Variants in IQCM observed in about 807,000 individuals in gnomAD.
The protein encoded by IQCM is IQ domain-containing protein M.
Under a neutral mutation model 57.6 loss-of-function variants are expected in IQCM, and 45 were observed. The ratio of observed to expected loss-of-function variants is 0.78; its 90% confidence interval spans 0.62 to 1.00. The LOEUF is 1.00. IQCM is among the 50% of genes least tolerant of loss of function. The probability of loss-of-function intolerance (pLI) is 0.00; values close to 1 mark genes in which losing one functional copy is unlikely to be tolerated. For missense variants in IQCM, 468 were observed against 511.6 expected, an observed-to-expected ratio of 0.91 and a Z score of 0.82; for synonymous variants, 148 against 158.9, an observed-to-expected ratio of 0.93 and a Z score of 0.51.
At chr4:149,704,013 A>C (rs1315461150) in intron 5 of IQCM, among the ~76,000 whole-genome samples, 2 of 151,878 alleles carry the variant, frequency 1.3e-5, no homozygotes, top group Admixed American at 6.6e-5. Context: ...AAGTGTGAAA[A>C]GGTGGAGCAG....
chr4:149,630,003 G>A (rs923012817), intron 7 of IQCM, among the ~76,000 whole-genome samples: 2 of 152,018 alleles, frequency 1.3e-5, no homozygotes, highest in African/African-American at 2.4e-5. Context: ...GGCAGGGTGT[G>A]AACCACAGTA....
chr4:149,739,856 T>TATC (rs1476930472), intron 3 of IQCM, among the ~76,000 whole-genome samples: 1 of 152,194 alleles, frequency 6.6e-6, no homozygotes, highest in African/African-American at 2.4e-5. Context: ...ATTTTTCATA[T>TATC]ATCATCAGCT....
intron 2 of IQCM, among the ~76,000 whole-genome samples, chr4:149,756,483 C>A (rs985406106): frequency 6.6e-6 from 1 of 152,028 alleles, no homozygotes; most frequent in African/African-American, 2.4e-5. Flanking sequence ...AGAAATCATA[C>A]AACACACCCA....
intron 2 of IQCM, among the ~76,000 whole-genome samples, chr4:149,745,914 G>A (rs568661694): frequency 3.3e-5 from 5 of 152,182 alleles, no homozygotes; most frequent in Non-Finnish European, 7.4e-5. Context: ...CAAGGCTGCA[G>A]TGAGCCGTGA....
chr4:149,757,677 T>A (rs60373060), intron 2 of IQCM, among the ~76,000 whole-genome samples: 16,850 of 152,036 alleles, frequency 0.11, 1,416 homozygotes, highest in African/African-American at 0.22. Context: ...AGTTCCAAAC[T>A]TTTTAGCACA....
intron 12 of IQCM, among the ~76,000 whole-genome samples, chr4:149,462,922 A>G (rs980570514): frequency 6.6e-6 from 1 of 152,200 alleles, no homozygotes; most frequent in Non-Finnish European, 1.5e-5. Context: ...ACACTGGGAG[A>G]AAATGGATTT....
intron 13 of IQCM, among the ~76,000 whole-genome samples, chr4:149,400,671 C>T (rs1016541072): frequency 6.6e-6 from 1 of 151,474 alleles, no homozygotes; most frequent in Non-Finnish European, 1.5e-5. Flanking sequence ...CATTATGAGG[C>T]AAAAATAACT....
chr4:149,734,830 A>AGAAGTG (rs1383849342), intron 4 of IQCM, among the ~76,000 whole-genome samples: 8 of 152,066 alleles, frequency 5.3e-5, no homozygotes, highest in Admixed American at 4.6e-4. Context: ...CTCACTTTCG[A>AGAAGTG]AATATATGCC....
At chr4:149,715,500 C>G (rs1764914472) in intron 5 of IQCM, among the ~76,000 whole-genome samples, 1 of 152,144 alleles carries the variant, frequency 6.6e-6, no homozygotes, top group African/African-American at 2.4e-5. Context: ...TTGGGGAGCT[C>G]CTAGGTCTGG....
intron 12 of IQCM, among the ~76,000 whole-genome samples, chr4:149,505,085 G>A (rs1743653553): frequency 6.6e-6 from 1 of 152,102 alleles, no homozygotes; most frequent in African/African-American, 2.4e-5. Flanking sequence ...TTCTGTTATA[G>A]TAGTCCAAGT....
At chr4:149,805,536 G>C (rs1773995993) in intron 2 of IQCM, among the ~76,000 whole-genome samples, 1 of 151,992 alleles carries the variant, frequency 6.6e-6, no homozygotes, top group Non-Finnish European at 1.5e-5. Context: ...AGCTGCAGAA[G>C]ATATTTTTAT....
At position 149,639,488 on chromosome 4, in the gene IQCM, TTCTTA is replaced by T. The variant is rs376979826; in HGVS notation, c.566-18249_566-18245del. Among the ~76,000 whole-genome samples, 76 of 152,018 alleles carry T rather than the reference TTCTTA, an allele frequency of 5.0e-4. 1 individual carries two copies. Among genetic ancestry groups the T allele is most frequent in the African/African-American group, 1.4e-3 (60 of 41,512 alleles). ...GGAGAAGAAGAAGACAAGTTAAATA[TTCTTA>T]TCTTATCTTCTATTAGTACCTCCAC... On this transcript the variant is annotated intron_variant, in intron 7 of 13. Transcript: ENST00000636793.
chr4:149,452,660 C>T (rs1737248660), intron 12 of IQCM, among the ~76,000 whole-genome samples: 1 of 151,296 alleles, frequency 6.6e-6, no homozygotes, highest in Non-Finnish European at 1.5e-5. Flanking sequence ...AAGTGTATAC[C>T]CATGAAACTA....
At chr4:149,420,385 C>A (rs1396361027) in intron 13 of IQCM, among the ~76,000 whole-genome samples, 1 of 151,962 alleles carries the variant, frequency 6.6e-6, no homozygotes, top group African/African-American at 2.4e-5. Flanking sequence ...GAACAGAAAA[C>A]CAAGTATTAC....
intron 7 of IQCM, among the ~76,000 whole-genome samples, chr4:149,648,704 C>T (rs371109764): frequency 6.6e-6 from 1 of 151,870 alleles, no homozygotes; most frequent in African/African-American, 2.4e-5. Flanking sequence ...ACAATGAGAA[C>T]ACATGGACAC....
In IQCM at chr4:149,660,367, C is replaced by T. The variant is rs1005943310; in HGVS notation, c.565+21751G>A. On this transcript the variant is annotated intron_variant, in intron 7 of 13. Coordinates refer to ENST00000636793, the MANE Select transcript of IQCM (RefSeq NM_001363507.2). ...GAGAGGATATGGAGAAATAGGAACA[C>T]TTTTACACTGTTGGTGGGACTGTAA... Among the ~76,000 whole-genome samples, 47 of 152,254 alleles carry T rather than the reference C, an allele frequency of 3.1e-4. 1 individual carries two copies. The East Asian group carries it at 8.3e-3, about 27-fold the overall frequency.
At chr4:149,587,760 T>C (rs1752772474) in intron 9 of IQCM, among the ~76,000 whole-genome samples, 170 bp downstream of exon 9, 2 of 151,952 alleles carry the variant, frequency 1.3e-5, no homozygotes, top group Admixed American at 1.3e-4. Context: ...AACTGTATTT[T>C]TCTCCTTTCC....
chr4:149,669,363 A>G (rs981391756), intron 7 of IQCM, among the ~76,000 whole-genome samples: 4 of 152,144 alleles, frequency 2.6e-5, no homozygotes, highest in East Asian at 1.9e-4. Context: ...TTCTTTGTAG[A>G]TACTGCATAT....
chr4:149,352,118 G>A (rs2110855958), intron 13 of IQCM, 52 bp from the exon 14 acceptor site: 1 of 398,604 alleles, frequency 2.5e-6, no homozygotes, highest in Non-Finnish European at 4.4e-6. Context: ...TAATATGATA[G>A]TAATGTACCA....
Sources: gnomAD v4.1 joint callset for allele counts (sites outside exome capture counted in the v4.1 genomes callset) on GRCh38, gnomAD v4.1.1 for gene constraint, MANE v1.5 for transcripts, NCBI Gene and HGNC (gene_info 2026-07-23, HGNC 2026-07-21) for gene names.